PSMD5: variants seen among roughly 807,000 people sequenced by gnomAD.
PSMD5 encodes proteasome 26S subunit, non-ATPase 5, also known as 26S proteasome non-ATPase regulatory subunit 5.
Under a neutral mutation model 52.1 loss-of-function variants are expected in PSMD5, and 40 were observed. The observed-to-expected ratio is 0.77, with a 90% CI of 0.60 to 1.00. The LOEUF (loss-of-function observed/expected upper bound fraction) is 1.00. PSMD5 is among the 50% of genes least tolerant of loss of function. The probability of loss-of-function intolerance (pLI) is 0.00; values close to 1 mark genes in which losing one functional copy is unlikely to be tolerated. For synonymous variants in PSMD5, 211 were observed against 226.6 expected (o/e 0.93, Z 0.62); for missense variants, 575 against 605.2 (o/e 0.95, Z 0.52).
chr9:120,834,276 G>A (rs1045536837), intron 1 of PSMD5, among the ~76,000 whole-genome samples: 1 of 151,966 alleles, frequency 6.6e-6, no homozygotes, highest in Non-Finnish European at 1.5e-5. Flanking sequence ...CACCGTGCCT[G>A]GCCCGATATA....
At position 120,818,076 on chromosome 9, in the gene PSMD5, C is replaced by A; in HGVS notation, c.1345G>T (p.Asp449Tyr). The A allele has an allele frequency of 1.2e-6, 2 of 1,614,208 alleles. No homozygotes were observed. Among genetic ancestry groups the A allele is most frequent in the East Asian group, 4.5e-5 (2 of 44,886 alleles). ...EYVVDRSVEHDKASKDAKYEL... is the reference protein window; with the variant it reads ...EYVVDRSVEHYKASKDAKYEL... ...TATTTGGCATCCTTTGAAGCTTTGT[C>A]ATGCTCCACAGACCGGTCCACCACA... The change falls in exon 10 of 10, where the codon GAC becomes TAC. Residue 449 changes from aspartate to tyrosine, a missense_variant. Transcript: ENST00000210313.
intron 1 of PSMD5, among the ~76,000 whole-genome samples, chr9:120,837,513 G>C (rs529577422): frequency 6.6e-6 from 1 of 152,252 alleles, no homozygotes; most frequent in South Asian, 2.1e-4. Flanking sequence ...TTCTTGTATA[G>C]ATCATGCTTT....
At chr9:120,841,287 A>T (rs1283040673) in intron 1 of PSMD5, among the ~76,000 whole-genome samples, 1 of 152,032 alleles carries the variant, frequency 6.6e-6, no homozygotes, top group Admixed American at 6.6e-5. Context: ...TCATTCAACA[A>T]CACAGAGATT....
At position 120,826,897 on chromosome 9, in the gene PSMD5, T is replaced by C. The variant is rs1564475575; in HGVS notation, c.682A>G (p.Ile228Val). The C allele has an allele frequency of 5.0e-6, 8 of 1,609,996 alleles. No homozygotes were observed. The highest frequency in any genetic ancestry group is 6.8e-6 in the Non-Finnish European group (8 of 1,178,016). The change falls in exon 6 of 10, where the codon ATA (isoleucine) becomes GTA (valine). Residue 228 changes from isoleucine to valine, a missense_variant. Transcript: ENST00000210313. ...TATGCCAGTGATGTCACCATTTCTA[T>C]ACAGGTGGCTCTAAAATGTCAGAAG... The part of the protein sequence containing the change: ...GEDVLVRATC[I>V]EMVTSLAYTH...
chr9:120,826,739 T>C (rs2045124330), intron 6 of PSMD5, 26 bp downstream of exon 6: 2 of 1,608,798 alleles, frequency 1.2e-6, no homozygotes, highest in Admixed American at 1.7e-5. Context: ...CGCACCATCA[T>C]TTCCATAGGC....
chr9:120,839,117 A>C (rs1258076586), intron 1 of PSMD5, among the ~76,000 whole-genome samples: 1 of 152,218 alleles, frequency 6.6e-6, no homozygotes, highest in Non-Finnish European at 1.5e-5. Flanking sequence ...GACAGACAGC[A>C]AAGTATTTCA....
intron 6 of PSMD5, 85 bp downstream of exon 6, chr9:120,826,680 A>G: frequency 1.4e-6 from 2 of 1,455,750 alleles, no homozygotes; most frequent in East Asian, 4.7e-5. Context: ...ATCCCTGTCC[A>G]CTCCCTACCC....
At chr9:120,833,675 T>C (rs866753807) in intron 1 of PSMD5, among the ~76,000 whole-genome samples, 757 of 124,458 alleles carry the variant, frequency 6.1e-3, no homozygotes, top group African/African-American at 0.02. Flanking sequence ...TAGTCTTCTT[T>C]TTTTTTTTTT....
At chr9:120,820,738 C>A in intron 9 of PSMD5, 101 bp downstream of exon 9, 1 of 1,229,758 alleles carries the variant, frequency 8.1e-7, no homozygotes, top group Non-Finnish European at 1.1e-6. Context: ...ATACTATGCA[C>A]TTGTGCATCC....
intron 9 of PSMD5, among the ~76,000 whole-genome samples, chr9:120,818,497 A>T (rs1291082111): frequency 1.3e-5 from 2 of 152,146 alleles, no homozygotes; most frequent in Admixed American, 1.3e-4. Flanking sequence ...CCTGTTATAT[A>T]AAAAAAGCAG....
chr9:120,819,874 T>A (rs2045071666), intron 9 of PSMD5, among the ~76,000 whole-genome samples: 1 of 152,150 alleles, frequency 6.6e-6, no homozygotes, highest in East Asian at 1.9e-4. Context: ...GGAATACCTG[T>A]ATCCTTCAAG....
rs527391312 is a variant in PSMD5, at chr9:120,817,129, C to T, written c.*777G>A. The T allele has an allele frequency of 2.4e-4, 37 of 151,484 alleles. No individual in the cohort carries two copies. The highest frequency in any genetic ancestry group is 9.0e-4 in the African/African-American group (37 of 41,272). 9.4% of individuals were successfully genotyped at this position (151,484 alleles called of 1,614,324 possible). ...TAAAAAGTATTCTGAGTATAAGGAA[C>T]ATAATCTTAATATTCCATACTACTC... On this transcript the variant is annotated 3_prime_UTR_variant, in exon 10 of 10. Transcript: ENST00000210313.
intron 1 of PSMD5, chr9:120,842,426 T>G: frequency 2.4e-6 from 1 of 420,526 alleles, no homozygotes; most frequent in Non-Finnish European, 4.3e-6. Flanking sequence ...TACAAAGAGA[T>G]GTGGAATGCT....
At position 120,816,340 on chromosome 9, in the gene PSMD5, T is replaced by G. The variant is rs1008096731; in HGVS notation, c.*1566A>C. 6.6e-6 allele frequency: 1 copy of G among 152,194 alleles called. No homozygotes were observed. The highest frequency in any genetic ancestry group is 6.5e-5 in the Admixed American group (1 of 15,286). The allele number at this position is 152,194 out of a possible 1,614,324, so 9.4% of individuals were successfully genotyped here. On this transcript the variant is annotated 3_prime_UTR_variant, in exon 10 of 10. Coordinates refer to ENST00000210313, the MANE Select transcript of PSMD5 (RefSeq NM_005047.4). Reference sequence around the variant, plus strand: ...TATGAACATATGTAATATACTGAACTGTACACTTAAAATAGTTATGACAAA... The same window carrying G: ...TATGAACATATGTAATATACTGAACGGTACACTTAAAATAGTTATGACAAA...
intron 1 of PSMD5, among the ~76,000 whole-genome samples, chr9:120,833,965 C>G (rs1321963352): frequency 6.8e-6 from 1 of 148,036 alleles, no homozygotes; most frequent in Non-Finnish European, 1.5e-5. Flanking sequence ...CTTGGGCCAC[C>G]GCACCTGGCC....
At chr9:120,826,342 G>T (rs1024643731) in intron 6 of PSMD5, among the ~76,000 whole-genome samples, 5 of 152,114 alleles carry the variant, frequency 3.3e-5, no homozygotes, top group African/African-American at 4.8e-5. Flanking sequence ...CGCTGAGTAT[G>T]TTAGCTGTGG....
intron 1 of PSMD5, among the ~76,000 whole-genome samples, chr9:120,835,108 T>G (rs2045189258): frequency 6.6e-6 from 1 of 152,238 alleles, no homozygotes; most frequent in Non-Finnish European, 1.5e-5. Context: ...AATTTCACTT[T>G]GCATAATTGA....
chr9:120,838,668 C>T (rs905042698), intron 1 of PSMD5, among the ~76,000 whole-genome samples: 9 of 152,190 alleles, frequency 5.9e-5, no homozygotes, highest in Admixed American at 5.2e-4. Context: ...AGCACTGCTC[C>T]TTCATTCAGC....
Position 120,820,918 on chromosome 9 carries a change from C to G in PSMD5, c.1178G>C (p.Arg393Pro). The change falls in exon 9 of 10, where the codon CGG becomes CCG. Residue 393 changes from arginine to proline, a missense_variant. Coordinates refer to ENST00000210313, the MANE Select transcript of PSMD5 (RefSeq NM_005047.4). ...MTESWFSSLSRDPLELFRGIS... is the reference protein window; with the variant it reads ...MTESWFSSLSPDPLELFRGIS... ...GCCACGGAAGAGCTCCAGTGGATCC[C>G]GAGATAAAGAAGAAAACCAGGATTC... The G allele has an allele frequency of 1.2e-6, 2 of 1,609,174 alleles. No individual in the cohort carries two copies. Among genetic ancestry groups the G allele is most frequent in the Non-Finnish European group, 1.7e-6 (2 of 1,178,702 alleles).
Sources: allele counts gnomAD v4.1 joint callset (sites outside exome capture counted in the v4.1 genomes callset), GRCh38; gene constraint gnomAD v4.1.1; transcripts MANE v1.5; gene names NCBI Gene and HGNC (gene_info 2026-07-23, HGNC 2026-07-21).